DIP2C: variants seen among roughly 807,000 people sequenced by gnomAD.
DIP2C encodes the protein DIP2 acetate--CoA ligase C (putative), also known as disco-interacting protein 2 homolog C.
DIP2C carries 33 observed loss-of-function variants against 192.4 expected under a neutral mutation model. The ratio of observed to expected loss-of-function variants is 0.17; its 90% CI spans 0.13 to 0.23. DIP2C has a LOEUF of 0.23. DIP2C is among the 10% of genes least tolerant of loss of function. The pLI is 1.00. For missense variants in DIP2C, 1,537 were observed against 2,110.1 expected, an observed-to-expected ratio of 0.73 and a Z score of 5.32; for synonymous variants, 979 against 864.1, an observed-to-expected ratio of 1.13 and a Z score of -2.33.
chr10:348,823 C>CT (rs1206825937), intron 25 of DIP2C, 61 bp from the exon 26 acceptor site: 5 of 1,588,822 alleles, frequency 3.1e-6, no homozygotes, highest in Non-Finnish European at 4.3e-6. Flanking sequence ...CACACTCTCC[C>CT]TGTCAGCATC....
intron 1 of DIP2C, among the ~76,000 whole-genome samples, chr10:496,145 A>G (rs1844815495): frequency 7.5e-6 from 1 of 133,078 alleles, no homozygotes; most frequent in Admixed American, 7.5e-5. Flanking sequence ...ACCCCAAACA[A>G]CGTTGAGTGC....
chr10:614,971 C>T (rs78776983), intron 1 of DIP2C, among the ~76,000 whole-genome samples: 5,656 of 152,320 alleles, frequency 0.037, 323 homozygotes, highest in African/African-American at 0.13. Flanking sequence ...GACAATGACA[C>T]CCAGCTGGAC....
chr10:510,726 C>T (rs1002951055), intron 1 of DIP2C, among the ~76,000 whole-genome samples: 9 of 152,348 alleles, frequency 5.9e-5, no homozygotes, highest in Non-Finnish European at 1.0e-4. Flanking sequence ...CTCACTGTGA[C>T]GTTAACAGCA....
chr10:414,906 ATT>A (rs66514106), intron 7 of DIP2C, among the ~76,000 whole-genome samples: 20,522 of 82,236 alleles, frequency 0.25, 2,474 homozygotes, highest in Non-Finnish European at 0.33. Flanking sequence ...ATATATATAT[ATT>A]TTTTTTTTTT....
intron 1 of DIP2C, chr10:665,820 A>T (rs1328790579): frequency 6.6e-6 from 1 of 152,198 alleles, no homozygotes; most frequent in Admixed American, 6.5e-5. Flanking sequence ...AAAGGAAAAC[A>T]AGAGCCAGGC....
chr10:426,715 T>C (rs956749858), intron 4 of DIP2C, among the ~76,000 whole-genome samples: 1 of 152,240 alleles, frequency 6.6e-6, no homozygotes, highest in African/African-American at 2.4e-5. Context: ...GGTCAATTTA[T>C]TTTTGACAAA....
chr10:558,126 GAT>G (rs1849007809), intron 1 of DIP2C, among the ~76,000 whole-genome samples: 1 of 152,192 alleles, frequency 6.6e-6, no homozygotes, highest in Non-Finnish European at 1.5e-5. Context: ...AAATTGGAAA[GAT>G]AACGCATTGT....
chr10:579,758 T>C (rs564753707), intron 1 of DIP2C, among the ~76,000 whole-genome samples: 1 of 152,026 alleles, frequency 6.6e-6, no homozygotes, highest in African/African-American at 2.4e-5. Flanking sequence ...ATAATGTATG[T>C]ACATGCAGAG....
chr10:293,469 G>C (rs915189280), intron 32 of DIP2C, among the ~76,000 whole-genome samples: 1 of 152,148 alleles, frequency 6.6e-6, no homozygotes, highest in Admixed American at 6.5e-5. Context: ...AAATTAATTT[G>C]AAGCATTTAA....
intron 10 of DIP2C, among the ~76,000 whole-genome samples, chr10:397,566 TA>T (rs1564659929): frequency 3.3e-5 from 5 of 150,726 alleles, no homozygotes; most frequent in Non-Finnish European, 7.4e-5. Context: ...GCTGATGGTT[TA>T]AGGGCAGTGT....
intron 26 of DIP2C, among the ~76,000 whole-genome samples, chr10:345,559 C>A (rs74658239): frequency 1.2e-3 from 77 of 63,586 alleles, no homozygotes; most frequent in African/African-American, 3.1e-3. Flanking sequence ...CGGAAACCCC[C>A]CACACCCCCA....
At chr10:472,605 A>C (rs1417944087) in intron 2 of DIP2C, 56 bp from the exon 3 acceptor site, 5 of 1,447,028 alleles carry the variant, frequency 3.5e-6, no homozygotes, top group Middle Eastern at 1.7e-4. Flanking sequence ...CGGAGTCAGC[A>C]GACTCTAACA....
intron 32 of DIP2C, among the ~76,000 whole-genome samples, chr10:308,462 G>A (rs185787354): frequency 2.7e-4 from 41 of 149,750 alleles, no homozygotes; most frequent in Non-Finnish European, 5.1e-4. Context: ...TGTTATTGAT[G>A]AGCTACTGCT....
chr10:490,722 A>G (rs1264553298), intron 1 of DIP2C, among the ~76,000 whole-genome samples: 1 of 152,228 alleles, frequency 6.6e-6, no homozygotes, highest in African/African-American at 2.4e-5. Flanking sequence ...CAGTGAGAAA[A>G]ATAAGTGATC....
intron 1 of DIP2C, among the ~76,000 whole-genome samples, chr10:688,538 T>C (rs1236643071): frequency 6.6e-6 from 1 of 151,996 alleles, no homozygotes; most frequent in Non-Finnish European, 1.5e-5. Flanking sequence ...CTGCTCCAAA[T>C]ATAAATGTGA....
chr10:467,552 A>C (rs1256577612), intron 3 of DIP2C, among the ~76,000 whole-genome samples: 1 of 130,652 alleles, frequency 7.7e-6, no homozygotes, highest in Non-Finnish European at 1.6e-5. Flanking sequence ...ATAAAATAAA[A>C]ATTATTTAAG....
intron 2 of DIP2C, among the ~76,000 whole-genome samples, chr10:481,186 G>A (rs1435753606): frequency 6.6e-6 from 1 of 152,200 alleles, no homozygotes; most frequent in Non-Finnish European, 1.5e-5. Context: ...CGAGGAATCA[G>A]AACAACCAAC....
At chr10:574,718 G>GA (rs1364644637) in intron 1 of DIP2C, among the ~76,000 whole-genome samples, 3 of 152,146 alleles carry the variant, frequency 2.0e-5, no homozygotes, top group African/African-American at 7.2e-5. Context: ...CCAGGCCCTC[G>GA]AAAATCAAGG....
chr10:586,173 GGA>G (rs1354895476), intron 1 of DIP2C, among the ~76,000 whole-genome samples: 2 of 152,168 alleles, frequency 1.3e-5, no homozygotes, highest in East Asian at 1.9e-4. Context: ...AACTTCTCTG[GGA>G]GAGAGAATTA....
Sources: allele counts gnomAD v4.1 joint callset (sites outside exome capture counted in the v4.1 genomes callset), GRCh38; gene constraint gnomAD v4.1.1; transcripts MANE v1.5; gene names NCBI Gene and HGNC (gene_info 2026-07-23, HGNC 2026-07-21).